The following ATP2C2 variants were observed in gnomAD, a reference collection of about 807,000 sequenced individuals.
The protein encoded by ATP2C2 is calcium-transporting ATPase type 2C member 2.
A neutral mutation model predicts 110.8 loss-of-function variants in ATP2C2; 171 were observed. That is an observed-to-expected ratio of 1.54 (90% CI 1.36 to 1.75). The LOEUF is 1.75. Ranked by LOEUF, ATP2C2 falls within the 40% of genes most tolerant of loss-of-function variation. The probability of loss-of-function intolerance (pLI) is 0.00; values close to 1 mark genes in which losing one functional copy is unlikely to be tolerated. For synonymous variants in ATP2C2, 804 were observed against 508.4 expected, an observed-to-expected ratio of 1.58 and a Z score of -7.82; for missense variants, 1,963 against 1,235.0, an observed-to-expected ratio of 1.59 and a Z score of -8.84.
chr16:84,461,028 A>G, intron 24 of ATP2C2: 1 of 563,356 alleles, frequency 1.8e-6, no homozygotes, highest in South Asian at 3.1e-5. Context: ...TACAGAGGCC[A>G]GCGGGGTGGA....
intron 7 of ATP2C2, among the ~76,000 whole-genome samples, chr16:84,416,603 C>T (rs894316443): frequency 6.6e-6 from 1 of 152,140 alleles, no homozygotes; most frequent in African/African-American, 2.4e-5. Context: ...TTATGTGTGG[C>T]CACTCGGACA....
At chr16:84,453,841 T>TC (rs990688209) in intron 20 of ATP2C2, among the ~76,000 whole-genome samples, 1 of 152,054 alleles carries the variant, frequency 6.6e-6, no homozygotes, top group African/African-American at 2.4e-5. Context: ...CTTTTTTTTT[T>TC]CTGGGGGTGG....
At chr16:84,397,475 G>A (rs1434591819) in intron 1 of ATP2C2, among the ~76,000 whole-genome samples, 1 of 150,882 alleles carries the variant, frequency 6.6e-6, no homozygotes, top group East Asian at 1.9e-4. Context: ...AAATAAGTTC[G>A]CTCAGCCTGG....
chr16:84,447,663 A>G (rs1909869090), intron 16 of ATP2C2, among the ~76,000 whole-genome samples: 1 of 139,348 alleles, frequency 7.2e-6, no homozygotes, highest in Admixed American at 7.0e-5. Context: ...TATGTAATAT[A>G]TATTACATAT....
rs886408133 is a variant in ATP2C2, at chr16:84,449,515, A to G, written c.1660+826A>G. 3.9e-5 allele frequency among the ~76,000 whole-genome samples: 6 copies of G among 152,304 alleles called. No homozygotes were observed. In the East Asian group the frequency reaches 1.2e-3, roughly 29 times the overall value. On this transcript the variant is annotated intron_variant, in intron 17 of 26. Coordinates refer to ENST00000262429, the MANE Select transcript of ATP2C2 (RefSeq NM_014861.4). ...ATATGCCTAAGGAAGGCAGGAGAGC[A>G]GTGACTTCATTGATTGCTGTGAGGA... is the stretch of plus-strand genomic sequence containing the variant.
intron 21 of ATP2C2, among the ~76,000 whole-genome samples, chr16:84,456,474 GT>G (rs1910798795): frequency 7.1e-6 from 1 of 141,500 alleles, no homozygotes; most frequent in South Asian, 2.4e-4. Flanking sequence ...TCAACATAGT[GT>G]TGGAAGTTCT....
intron 11 of ATP2C2, among the ~76,000 whole-genome samples, chr16:84,431,352 G>A (rs888591267): frequency 5.3e-5 from 8 of 152,020 alleles, no homozygotes; most frequent in Admixed American, 1.3e-4. Flanking sequence ...AAAATTAGCC[G>A]GGCATGGTGG....
chr16:84,397,037 C>G (rs949897986), intron 1 of ATP2C2, among the ~76,000 whole-genome samples: 6 of 151,920 alleles, frequency 3.9e-5, no homozygotes, highest in Non-Finnish European at 8.8e-5. Context: ...CTCAATACCT[C>G]TCCTGCTTCC....
intron 11 of ATP2C2, among the ~76,000 whole-genome samples, chr16:84,435,719 A>AG (rs71151214): frequency 0.8 from 120,651 of 151,568 alleles, 48,089 homozygotes; most frequent in East Asian, 0.86. Context: ...CCCGGCTACC[A>AG]GGGAGGCAGA....
intron 1 of ATP2C2, among the ~76,000 whole-genome samples, chr16:84,373,508 A>AACC (rs1238686874): frequency 6.6e-6 from 1 of 151,944 alleles, no homozygotes; most frequent in African/African-American, 2.4e-5. Context: ...TCAAAACAAC[A>AACC]ACAACAAAAA....
chr16:84,444,405 G>T (rs915302092), intron 15 of ATP2C2, among the ~76,000 whole-genome samples: 1 of 151,502 alleles, frequency 6.6e-6, no homozygotes, highest in Non-Finnish European at 1.5e-5. Flanking sequence ...CCCAGGAGGC[G>T]GAGGTTACAG....
chr16:84,453,516 G>A, intron 20 of ATP2C2, 145 bp downstream of exon 20: 1 of 1,121,994 alleles, frequency 8.9e-7, no homozygotes. Flanking sequence ...TGCCCCGGGA[G>A]TTACCTTTTC....
chr16:84,439,603 C>G (rs35871876), intron 13 of ATP2C2, 79 bp downstream of exon 13: 48,765 of 1,272,628 alleles, frequency 0.038, 2,066 homozygotes, highest in South Asian at 0.17. Flanking sequence ...CACACAATGT[C>G]TTCTAGAACA....
intron 17 of ATP2C2, among the ~76,000 whole-genome samples, chr16:84,450,515 T>C (rs961846560): frequency 5.3e-5 from 8 of 152,082 alleles, no homozygotes; most frequent in African/African-American, 1.9e-4. Flanking sequence ...AGAGCGCTAC[T>C]AGGTGGCCAC....
intron 21 of ATP2C2, 60 bp downstream of exon 21, chr16:84,455,044 C>A: frequency 6.4e-7 from 1 of 1,568,956 alleles, no homozygotes; most frequent in South Asian, 1.1e-5. Flanking sequence ...CCAGCTTCTC[C>A]CTGGAACCTG....
intron 15 of ATP2C2, among the ~76,000 whole-genome samples, chr16:84,445,052 G>A (rs548177674): frequency 9.2e-5 from 14 of 152,270 alleles, no homozygotes; most frequent in Admixed American, 7.2e-4. Context: ...TGAAATCAAG[G>A]TGTGAGCAGG....
chr16:84,391,131 A>AAAAAT (rs1215253844), intron 1 of ATP2C2, among the ~76,000 whole-genome samples: 6 of 151,178 alleles, frequency 4.0e-5, no homozygotes, highest in African/African-American at 1.5e-4. Flanking sequence ...AAAAAAAAAA[A>AAAAAT]AAAGAAGAAG....
At chr16:84,392,517 C>T (rs1354905255) in intron 1 of ATP2C2, among the ~76,000 whole-genome samples, 1 of 152,156 alleles carries the variant, frequency 6.6e-6, no homozygotes, top group Admixed American at 6.5e-5. Flanking sequence ...GGCTGGAGTG[C>T]AGTGGCGTGA....
In ATP2C2 at chr16:84,446,331, G is replaced by A; in HGVS notation, c.1404G>A (p.Met468Ile). The change falls in exon 16 of 27, where the codon ATG (methionine) becomes ATA (isoleucine). Residue 468 changes from methionine (M) to isoleucine (I), a missense_variant and splice_region_variant. By Grantham distance (10) the Met-to-Ile change is conservative. Transcript: ENST00000262429. ...EGALMALAMK[M>I]DLSDIKNSYI... The stretch of plus-strand genomic sequence containing the variant: ...AATGTGTCATTTTATTATGCTAGAT[G>A]GACTTAAGTGATATTAAAAATTCAT... 1 of 1,555,306 alleles carries A rather than the reference G, an allele frequency of 6.4e-7. No individual in the cohort carries two copies.
Sources: allele counts gnomAD v4.1 joint callset (sites outside exome capture counted in the v4.1 genomes callset), GRCh38; gene constraint gnomAD v4.1.1; transcripts MANE v1.5; gene names NCBI Gene and HGNC (gene_info 2026-07-23, HGNC 2026-07-21).